Variants in SPDL1 observed in about 807,000 individuals in gnomAD.
SPDL1 encodes the protein spindle apparatus coiled-coil protein 1.
In SPDL1, 85 loss-of-function variants were observed where a neutral mutation model predicts 79.5. That is an observed-to-expected ratio of 1.07 (90% CI 0.90 to 1.28). The LOEUF is 1.28. SPDL1 is among the 50% of genes most tolerant of loss of function. The pLI, the probability that SPDL1 is intolerant of heterozygous loss-of-function variation, is 0.00. For missense variants in SPDL1, 703 were observed against 697.8 expected, an observed-to-expected ratio of 1.01 and a Z score of -0.08; for synonymous variants, 269 against 240.3, an observed-to-expected ratio of 1.12 and a Z score of -1.10.
In SPDL1 at chr5:169,601,366, A is replaced by G; in HGVS notation, c.1411A>G (p.Ser471Gly). 1 of 1,613,894 alleles carries G rather than the reference A, an allele frequency of 6.2e-7. No homozygotes were observed. The highest frequency in any genetic ancestry group is 8.5e-7 in the Non-Finnish European group (1 of 1,179,976). The part of the protein sequence containing the change: ...TTAKDACVNN[S>G]ALGGEVYRLP... ...CGCTAAAGATGCATGTGTCAACAAC[A>G]GTGCTCTCGGGGGAGAAGTTTATCG... The change falls in exon 11 of 12, where the codon AGT becomes GGT. Residue 471 changes from serine to glycine, a missense_variant. Ser to Gly is a moderately conservative substitution (Grantham distance 56, BLOSUM62 0). Coordinates refer to ENST00000265295, the MANE Select transcript of SPDL1 (RefSeq NM_017785.5).
intron 1 of SPDL1, chr5:169,586,020 G>C (rs1754969017): frequency 6.6e-6 from 1 of 152,112 alleles, no homozygotes; most frequent in Non-Finnish European, 1.5e-5. Flanking sequence ...TTTATCCCAT[G>C]ACCTACAAAC....
Position 169,592,511 on chromosome 5 carries a change from G to C in SPDL1, c.337-843G>C, listed in dbSNP as rs190038055. Among the ~76,000 whole-genome samples the C allele has an allele frequency of 6.4e-3, 977 of 152,058 alleles. 12 individuals are homozygous for C. The highest frequency in any genetic ancestry group is 0.031 in the Admixed American group (472 of 15,270). Reference sequence around the variant, plus strand: ...ATTACAGGCCTGAGCCACTGCGCCTGGCCAAAATTACATATTTAAGCTTGC... The same window carrying C: ...ATTACAGGCCTGAGCCACTGCGCCTCGCCAAAATTACATATTTAAGCTTGC... On this transcript the variant is annotated intron_variant, in intron 3 of 11. Coordinates refer to ENST00000265295, the MANE Select transcript of SPDL1 (RefSeq NM_017785.5).
In SPDL1 at chr5:169,594,232, C is replaced by G. The variant is rs146344218; in HGVS notation, c.619C>G (p.Arg207Gly). 20 of 1,613,898 alleles carry G rather than the reference C, an allele frequency of 1.2e-5. No homozygotes were observed. The South Asian group carries it at 2.2e-4, about 18-fold the overall frequency. ...LITNLMRQVD[R>G]LKEEKEEREK... is the part of the protein sequence containing the mutation. ...TACTAACCTAATGCGCCAGGTAGACCGGCTTAAAGAGGAAAAAGAGGAGCG... is the reference window on the plus strand; with the variant it reads ...TACTAACCTAATGCGCCAGGTAGACGGGCTTAAAGAGGAAAAAGAGGAGCG... The change falls in exon 5 of 12, where the codon CGG becomes GGG. Residue 207 changes from arginine to glycine, a missense_variant. Coordinates refer to ENST00000265295, the MANE Select transcript of SPDL1 (RefSeq NM_017785.5).
Position 169,594,647 on chromosome 5 carries a change from A to G in SPDL1, c.857A>G (p.Asn286Ser), listed in dbSNP as rs765346864. The stretch of plus-strand genomic sequence containing the variant: ...AAGTATCAGTCACTAAAGAAGCAAA[A>G]TGTATTTAACAGAGAACAGATGCAG... ...KVKYQSLKKQ[N>S]VFNREQMQRM... The change falls in exon 7 of 12, where the codon AAT becomes AGT. Residue 286 changes from asparagine (N) to serine (S), a missense_variant. Coordinates refer to ENST00000265295, the MANE Select transcript of SPDL1 (RefSeq NM_017785.5). 1 of 1,613,668 alleles carries G rather than the reference A, an allele frequency of 6.2e-7. No homozygotes were observed. Among genetic ancestry groups the G allele is most frequent in the South Asian group, 1.1e-5 (1 of 91,062 alleles).
intron 10 of SPDL1, among the ~76,000 whole-genome samples, chr5:169,600,944 C>G (rs1280861524): frequency 1.3e-5 from 2 of 152,154 alleles, no homozygotes; most frequent in Non-Finnish European, 2.9e-5. Flanking sequence ...GGATTCGAAC[C>G]TGGACTCTGC....
At chr5:169,602,615 T>C (rs1182798744) in intron 11 of SPDL1, among the ~76,000 whole-genome samples, 3 of 152,224 alleles carry the variant, frequency 2.0e-5, no homozygotes, top group East Asian at 1.9e-4. Context: ...ATATGTTTTA[T>C]CTGATTTCTC....
Position 169,604,342 on chromosome 5 carries a change from T to A in SPDL1, c.*135T>A. On this transcript the variant is annotated 3_prime_UTR_variant, in exon 12 of 12. Coordinates refer to ENST00000265295, the MANE Select transcript of SPDL1 (RefSeq NM_017785.5). The stretch of plus-strand genomic sequence containing the variant: ...CCAGGACCTGGCATTTTCATGTGCC[T>A]TTGACCAAGTGTTCAGAATTTGCTT... 1.2e-6 allele frequency: 1 copy of A among 860,928 alleles called. No homozygotes were observed. The highest frequency in any genetic ancestry group is 1.7e-6 in the Non-Finnish European group (1 of 602,028). 53.3% of individuals were successfully genotyped at this position (860,928 alleles called of 1,614,324 possible). A position where few individuals can be genotyped will look rare whatever the true frequency, so the allele number is the denominator to read the frequency against.
intron 7 of SPDL1, among the ~76,000 whole-genome samples, chr5:169,595,082 T>TA (rs1755521653): frequency 6.6e-6 from 1 of 152,158 alleles, no homozygotes; most frequent in Non-Finnish European, 1.5e-5. Context: ...CAAGGCTTAT[T>TA]ATGGAGTGAA....
At chr5:169,599,823 T>C (rs1755792341) in intron 10 of SPDL1, among the ~76,000 whole-genome samples, 1 of 152,152 alleles carries the variant, frequency 6.6e-6, no homozygotes, top group Non-Finnish European at 1.5e-5. Flanking sequence ...GTGCCTGTAA[T>C]CCCAGCTCTT....
In SPDL1 at chr5:169,591,017, G is replaced by A. The variant is rs1755248030; in HGVS notation, c.160-31G>A. ...TGTAATGGCTTTAGGCTATTTTTAT[G>A]TAATTGAATTGTAATTGAATCTGTT... On this transcript the variant is annotated intron_variant, in intron 2 of 11. Coordinates refer to ENST00000265295, the MANE Select transcript of SPDL1 (RefSeq NM_017785.5). 2.6e-6 allele frequency: 4 copies of A among 1,561,230 alleles called. No individual in the cohort carries two copies. The East Asian group carries it at 9.0e-5, about 35-fold the overall frequency.
At position 169,596,708 on chromosome 5, in the gene SPDL1, A is replaced by G; in HGVS notation, c.1032+7A>G. On this transcript the variant is annotated splice_region_variant and intron_variant, in intron 8 of 11. Coordinates refer to ENST00000265295, the MANE Select transcript of SPDL1 (RefSeq NM_017785.5). ...AAATCTGGAGAAATTTAAGGTATGT[A>G]TAACAGTTAAAAAAACACACATCCA... 6.4e-7 allele frequency: 1 copy of G among 1,560,616 alleles called. No homozygotes were observed.
At chr5:169,590,226 A>G (rs17668965) in intron 2 of SPDL1, among the ~76,000 whole-genome samples, 8,348 of 152,342 alleles carry the variant, frequency 0.055, 354 homozygotes, top group East Asian at 0.17. Context: ...GGTAAAAATA[A>G]CTAGTGATGG....
intron 3 of SPDL1, among the ~76,000 whole-genome samples, chr5:169,592,233 T>C (rs1435669305): frequency 6.7e-6 from 1 of 148,166 alleles, no homozygotes; most frequent in Admixed American, 6.7e-5. Context: ...TTTTTTTTTT[T>C]TGAGGCAGAG....
chr5:169,603,977 G>T, intron 11 of SPDL1, 83 bp from the exon 12 acceptor site: 1 of 1,434,538 alleles, frequency 7.0e-7, no homozygotes, highest in Non-Finnish European at 9.3e-7. Context: ...ATGCCTTATT[G>T]GAGGCCCATT....
chr5:169,595,621 T>C (rs1755546448), intron 7 of SPDL1: 1 of 152,230 alleles, frequency 6.6e-6, no homozygotes. Flanking sequence ...GTTTCCAGAC[T>C]GTGCTGCCTC....
intron 2 of SPDL1, among the ~76,000 whole-genome samples, chr5:169,589,098 G>C (rs2066393919): frequency 6.6e-6 from 1 of 151,852 alleles, no homozygotes; most frequent in Admixed American, 6.6e-5. Context: ...AAAGATTTTT[G>C]GTATATTTTT....
chr5:169,594,153 CAAA>C lies in SPDL1; in HGVS notation c.541_543del (p.Lys181del), dbSNP rs772647075. On this transcript the variant is annotated inframe_deletion, in exon 5 of 12. Coordinates refer to ENST00000265295, the MANE Select transcript of SPDL1 (RefSeq NM_017785.5). The stretch of plus-strand genomic sequence containing the variant: ...CAATTCCTGTTAAATAGACCACCCT[CAAA>C]GAAGAAGTGAATGAACTACAATACA... 10 of 1,601,060 alleles carry C rather than the reference CAAA, an allele frequency of 6.2e-6. No homozygotes were observed. The African/African-American group carries it at 9.5e-5, about 15-fold the overall frequency.
At chr5:169,593,264 T>C (rs1755392667) in intron 3 of SPDL1, 90 bp from the exon 4 acceptor site, 2 of 1,135,252 alleles carry the variant, frequency 1.8e-6, no homozygotes, top group African/African-American at 3.2e-5. Flanking sequence ...GTATCATCAT[T>C]CAGTAAGTTT....
chr5:169,599,305 G>A (rs1367129675), intron 10 of SPDL1, 146 bp downstream of exon 10: 1 of 642,848 alleles, frequency 1.6e-6, no homozygotes, highest in Non-Finnish European at 2.3e-6. Context: ...AATTTATTGT[G>A]TAAAATAGGT....
Sources: gnomAD v4.1 joint callset for allele counts (sites outside exome capture counted in the v4.1 genomes callset) on GRCh38, gnomAD v4.1.1 for gene constraint, MANE v1.5 for transcripts, NCBI Gene and HGNC (gene_info 2026-07-23, HGNC 2026-07-21) for gene names.